PDGFC: variants seen among roughly 807,000 people sequenced by gnomAD.
The protein encoded by PDGFC is platelet-derived growth factor C.
PDGFC carries 12 observed loss-of-function variants against 35.5 expected under a neutral mutation model. The ratio of observed to expected loss-of-function variants is 0.34; its 90% CI spans 0.22 to 0.55. PDGFC has a LOEUF of 0.55. Among genes scored for constraint, PDGFC ranks in the 20% least tolerant of loss-of-function variants. PDGFC has a pLI of 0.91. For synonymous variants in PDGFC, 159 were observed against 148.8 expected (o/e 1.07, Z -0.50); for missense variants, 322 against 412.4 (o/e 0.78, Z 1.90).
At chr4:156,799,463 A>G (rs577451747) in intron 3 of PDGFC, among the ~76,000 whole-genome samples, 31 of 152,320 alleles carry the variant, frequency 2.0e-4, no homozygotes, top group African/African-American at 6.7e-4. Context: ...AGGAGTGCCT[A>G]TATTTCAAAT....
At chr4:156,876,087 A>C (rs990026764) in intron 1 of PDGFC, among the ~76,000 whole-genome samples, 1 of 152,152 alleles carries the variant, frequency 6.6e-6, no homozygotes. Flanking sequence ...ATCAAAAGCA[A>C]ATACTTTCTT....
chr4:156,859,378 A>G (rs1387611695), intron 1 of PDGFC, among the ~76,000 whole-genome samples: 1 of 152,092 alleles, frequency 6.6e-6, no homozygotes, highest in African/African-American at 2.4e-5. Context: ...GGTCACTTCT[A>G]TACAAATCAT....
At chr4:156,774,730 A>T (rs1730780946) in intron 3 of PDGFC, among the ~76,000 whole-genome samples, 1 of 151,452 alleles carries the variant, frequency 6.6e-6, no homozygotes, top group South Asian at 2.1e-4. Context: ...TTATGAGAAA[A>T]GCACAGTGGA....
chr4:156,797,749 G>A (rs1315568763), intron 3 of PDGFC, among the ~76,000 whole-genome samples: 1 of 152,202 alleles, frequency 6.6e-6, no homozygotes, highest in Non-Finnish European at 1.5e-5. Context: ...GACAAGCTTG[G>A]AGTTGGTCAC....
intron 1 of PDGFC, among the ~76,000 whole-genome samples, chr4:156,961,074 C>G (rs764192054): frequency 3.9e-5 from 6 of 152,018 alleles, no homozygotes; most frequent in Admixed American, 2.0e-4. Context: ...ATATTTTAAG[C>G]AAATGTTTCT....
intron 3 of PDGFC, among the ~76,000 whole-genome samples, chr4:156,780,813 C>T (rs1213057640): frequency 1.3e-5 from 2 of 150,050 alleles, no homozygotes; most frequent in Non-Finnish European, 3.0e-5. Flanking sequence ...TCAGCAATGA[C>T]CCCCCCACAT....
intron 1 of PDGFC, among the ~76,000 whole-genome samples, chr4:156,866,354 CA>C (rs772821629): frequency 2.0e-5 from 3 of 151,630 alleles, no homozygotes; most frequent in East Asian, 1.9e-4. Context: ...TTTTTAACAG[CA>C]AAAAAAGCTC....
chr4:156,824,499 A>C (rs1732386940), intron 2 of PDGFC, among the ~76,000 whole-genome samples: 1 of 151,788 alleles, frequency 6.6e-6, no homozygotes, highest in African/African-American at 2.4e-5. Flanking sequence ...TAGCAAAAAT[A>C]TTGAGTACTT....
chr4:156,885,150 C>CAA (rs1730343481), intron 1 of PDGFC, among the ~76,000 whole-genome samples: 1 of 121,576 alleles, frequency 8.2e-6, no homozygotes, highest in African/African-American at 4.7e-5. Flanking sequence ...CATGTATGTG[C>CAA]ATACATACAC....
intron 1 of PDGFC, among the ~76,000 whole-genome samples, chr4:156,865,623 C>T (rs1433178528): frequency 6.6e-6 from 1 of 152,030 alleles, no homozygotes; most frequent in African/African-American, 2.4e-5. Context: ...CACCACTCTA[C>T]CAATTAGAAA....
rs182591817 is a variant in PDGFC, at chr4:156,784,742, G to A, written c.496-11849C>T. Among the ~76,000 whole-genome samples, 484 of 152,192 alleles carry A rather than the reference G, an allele frequency of 3.2e-3. 1 individual carries two copies. Among genetic ancestry groups the A allele is most frequent in the African/African-American group, 0.011 (460 of 41,526 alleles). ...GTTAATGTCAATTGTAGATCAAGAC[G>A]GGGCAAAAATATTTTTCTCATGAAC... On this transcript the variant is annotated intron_variant, in intron 3 of 5. Transcript: ENST00000502773.
chr4:156,911,526 C>CT (rs1477648102), intron 1 of PDGFC, among the ~76,000 whole-genome samples: 16 of 152,088 alleles, frequency 1.1e-4, no homozygotes, highest in African/African-American at 3.6e-4. Flanking sequence ...TTGTGCAGGG[C>CT]TTATTATATA....
At chr4:156,889,410 G>T (rs1056135298) in intron 1 of PDGFC, among the ~76,000 whole-genome samples, 5 of 152,158 alleles carry the variant, frequency 3.3e-5, no homozygotes, top group Admixed American at 1.3e-4. Context: ...AAAAAGAACA[G>T]AAATTATTGC....
intron 3 of PDGFC, among the ~76,000 whole-genome samples, chr4:156,806,689 G>A (rs548351724): frequency 1.3e-5 from 2 of 152,102 alleles, no homozygotes; most frequent in East Asian, 3.9e-4. Context: ...CAAAAAATAT[G>A]CAGTACTTTT....
intron 1 of PDGFC, among the ~76,000 whole-genome samples, chr4:156,850,822 T>G (rs2111083653): frequency 8.7e-6 from 1 of 115,566 alleles, no homozygotes; most frequent in Middle Eastern, 4.3e-3. Context: ...ATTTTAATTC[T>G]CTAACTTAAA....
rs74713020 is a variant in PDGFC, at chr4:156,952,034, T to C, written c.118+18752A>G. Among the ~76,000 whole-genome samples, 913 of 151,990 alleles carry C rather than the reference T, an allele frequency of 6.0e-3. 13 individuals are homozygous for C. The highest frequency in any genetic ancestry group is 0.021 in the African/African-American group (870 of 41,534). ...AGCTTATTTGGGATATAAACTGTTT[T>C]AATATGTACACTAAAACAAAACAAA... On this transcript the variant is annotated intron_variant, in intron 1 of 5. Coordinates refer to ENST00000502773, the MANE Select transcript of PDGFC (RefSeq NM_016205.3).
At chr4:156,911,984 A>C (rs1334724929) in intron 1 of PDGFC, among the ~76,000 whole-genome samples, 1 of 152,148 alleles carries the variant, frequency 6.6e-6, no homozygotes, top group Non-Finnish European at 1.5e-5. Context: ...GGCTTTGGTC[A>C]AGGTTTCAAT....
intron 2 of PDGFC, among the ~76,000 whole-genome samples, chr4:156,847,701 G>A (rs894692238): frequency 3.2e-4 from 19 of 59,716 alleles, no homozygotes; most frequent in Admixed American, 2.8e-3. Flanking sequence ...TGGGTTAAAA[G>A]TATACAAAAC....
intron 2 of PDGFC, among the ~76,000 whole-genome samples, chr4:156,816,530 T>C (rs985243455): frequency 2.0e-5 from 3 of 152,168 alleles, no homozygotes; most frequent in African/African-American, 7.2e-5. Flanking sequence ...GACACTGTTT[T>C]TTCTTAGGTA....
Sources: allele counts gnomAD v4.1 joint callset (sites outside exome capture counted in the v4.1 genomes callset), GRCh38; gene constraint gnomAD v4.1.1; transcripts MANE v1.5; gene names NCBI Gene and HGNC (gene_info 2026-07-23, HGNC 2026-07-21).